The following DHRSX variants were observed in gnomAD, a reference collection of about 807,000 sequenced individuals.
The protein encoded by DHRSX is dehydrogenase/reductase X-linked.
In DHRSX, 31 loss-of-function variants were observed where a neutral mutation model predicts 34.0. That is an observed-to-expected ratio of 0.91 (90% confidence interval 0.69 to 1.23). The LOEUF is 1.23. Ranked by LOEUF, DHRSX falls within the 50% of genes most tolerant of loss-of-function variation. The probability of loss-of-function intolerance (pLI) is 0.00; values close to 1 mark genes in which losing one functional copy is unlikely to be tolerated. For missense variants in DHRSX, 414 were observed against 428.1 expected, an observed-to-expected ratio of 0.97 and a Z score of 0.29; for synonymous variants, 201 against 183.8, an observed-to-expected ratio of 1.09 and a Z score of -0.76.
chrX:2,485,054 G>A (rs1292946331), intron 1 of DHRSX, among the ~76,000 whole-genome samples: 1 of 152,194 alleles, frequency 6.6e-6, no homozygotes, highest in Non-Finnish European at 1.5e-5. Context: ...TGCAAAGTGG[G>A]GGGGAAACAA....
At chrX:2,487,159 C>T (rs187281785) in intron 1 of DHRSX, 5 of 152,318 alleles carry the variant, frequency 3.3e-5, no homozygotes, top group African/African-American at 1.2e-4. Context: ...GAAAGCAACT[C>T]GCAGGAATCC....
At chrX:2,454,861 T>G (rs2044274077) in intron 1 of DHRSX, among the ~76,000 whole-genome samples, 1 of 151,576 alleles carries the variant, frequency 6.6e-6, no homozygotes, top group African/African-American at 2.4e-5. Flanking sequence ...GCCTGTAATC[T>G]CAGAAATTTG....
chrX:2,309,194 GGT>G (rs1678386511), intron 3 of DHRSX, among the ~76,000 whole-genome samples: 1 of 151,990 alleles, frequency 6.6e-6, no homozygotes, highest in Admixed American at 6.6e-5. Flanking sequence ...ATGAAGAAAG[GGT>G]AGATGAGTGC....
intron 1 of DHRSX, among the ~76,000 whole-genome samples, chrX:2,471,579 A>C (rs2044593821): frequency 6.7e-6 from 1 of 149,448 alleles, no homozygotes; most frequent in South Asian, 2.1e-4. Flanking sequence ...AAAAAAAAAG[A>C]CATTTACGTT....
rs377406686 is a variant in DHRSX at position 2,277,231 on chromosome X, A to G, written c.389-10284T>C. On this transcript the variant is annotated intron_variant, in intron 4 of 6. Transcript: ENST00000334651. Reference sequence around the variant, plus strand: ...CAAACGAGAGAGGGAGAGAGAAGGAAGAGGAGGAAATGGGGGAAAGAGAGA... The same window carrying G: ...CAAACGAGAGAGGGAGAGAGAAGGAGGAGGAGGAAATGGGGGAAAGAGAGA... Among the ~76,000 whole-genome samples the G allele has an allele frequency of 2.6e-3, 13 of 4,942 alleles. 1 individual carries two copies. The highest frequency in any genetic ancestry group is 0.022 in the African/African-American group (9 of 414). 3.2% of individuals were successfully genotyped at this position (4,942 alleles called of 152,430 possible). A position where few individuals can be genotyped will look rare whatever the true frequency, so the allele number is the denominator to read the frequency against.
rs780186310 is a variant in DHRSX at position 2,318,453 on chromosome X, A to G, written c.287-26850T>C. Among the ~76,000 whole-genome samples, 591 of 152,290 alleles carry G rather than the reference A, an allele frequency of 3.9e-3. 5 individuals are homozygous for G. Among genetic ancestry groups the G allele is most frequent in the African/African-American group, 0.014 (562 of 41,572 alleles). On this transcript the variant is annotated intron_variant, in intron 3 of 6. Coordinates refer to ENST00000334651, the MANE Select transcript of DHRSX (RefSeq NM_145177.3). The stretch of plus-strand genomic sequence containing the variant: ...CAGGTCCTAAGGACCTTGTTGATAA[A>G]ACAGGTTGTGGTAAAGAAGCTGGCC...
At chrX:2,472,830 T>C (rs2044614044) in intron 1 of DHRSX, among the ~76,000 whole-genome samples, 1 of 152,194 alleles carries the variant, frequency 6.6e-6, no homozygotes, top group Non-Finnish European at 1.5e-5. Context: ...TACTGAATTT[T>C]TTTTAAGTCC....
intron 3 of DHRSX, among the ~76,000 whole-genome samples, chrX:2,336,990 G>C (rs2042576642): frequency 2.0e-5 from 3 of 152,090 alleles, no homozygotes; most frequent in Admixed American, 6.6e-5. Flanking sequence ...GCTTGCATTA[G>C]AAATGGGGTT....
rs756600354 is a variant in DHRSX, at chrX:2,312,402, G to T, written c.287-20799C>A. On this transcript the variant is annotated intron_variant, in intron 3 of 6. Coordinates refer to ENST00000334651, the MANE Select transcript of DHRSX (RefSeq NM_145177.3). ...TGGAATACTATGCAGCCATAAAAAA[G>T]GATGAGTTCATGTCCTTTGCAGGGA... Among the ~76,000 whole-genome samples the T allele has an allele frequency of 1.4e-4, 22 of 152,156 alleles. No homozygotes were observed. The South Asian group carries it at 4.6e-3, about 32-fold the overall frequency.
chrX:2,483,137 C>T (rs921731369), intron 1 of DHRSX, among the ~76,000 whole-genome samples: 50 of 152,260 alleles, frequency 3.3e-4, no homozygotes, highest in African/African-American at 1.2e-3. Flanking sequence ...CCAGGCTGCA[C>T]GACAGTGATG....
intron 1 of DHRSX, among the ~76,000 whole-genome samples, chrX:2,485,923 AGAAG>A (rs1426283924): frequency 1.4e-5 from 2 of 145,112 alleles, no homozygotes; most frequent in Non-Finnish European, 3.0e-5. Flanking sequence ...AAGGAAGGAA[AGAAG>A]GAAGAAAGGA....
At chrX:2,307,866 G>A (rs1419972168) in intron 3 of DHRSX, among the ~76,000 whole-genome samples, 1 of 151,916 alleles carries the variant, frequency 6.6e-6, no homozygotes, top group South Asian at 2.1e-4. Flanking sequence ...ACACCAGGGT[G>A]ATCTGCGCAT....
At chrX:2,369,742 A>G (rs2043035268) in intron 3 of DHRSX, among the ~76,000 whole-genome samples, 1 of 151,994 alleles carries the variant, frequency 6.6e-6, no homozygotes, top group Admixed American at 6.6e-5. Context: ...GACCTCAAGT[A>G]ATCCACCCAC....
At chrX:2,346,401 C>T (rs1041069033) in intron 3 of DHRSX, among the ~76,000 whole-genome samples, 18 of 152,120 alleles carry the variant, frequency 1.2e-4, no homozygotes, top group Admixed American at 5.2e-4. Context: ...TCCAGGCTGG[C>T]ACCATTTCTC....
intron 2 of DHRSX, among the ~76,000 whole-genome samples, chrX:2,424,379 T>C (rs2043816972): frequency 1.3e-5 from 2 of 152,062 alleles, no homozygotes; most frequent in South Asian, 4.1e-4. Flanking sequence ...GGGACGACCC[T>C]GTGAGGACAC....
intron 5 of DHRSX, among the ~76,000 whole-genome samples, chrX:2,248,922 C>A (rs1186210066): frequency 1.3e-5 from 2 of 152,306 alleles, no homozygotes; most frequent in East Asian, 3.9e-4. Flanking sequence ...ATCTTTGGGT[C>A]TTCCCTCTGA....
chrX:2,292,528 C>T lies in DHRSX; in HGVS notation c.287-925G>A, dbSNP rs139631725. Among the ~76,000 whole-genome samples the T allele has an allele frequency of 1.7e-3, 251 of 152,076 alleles. 1 individual carries two copies. Among genetic ancestry groups the T allele is most frequent in the African/African-American group, 5.8e-3 (239 of 41,492 alleles). On this transcript the variant is annotated intron_variant, in intron 3 of 6. Coordinates refer to ENST00000334651, the MANE Select transcript of DHRSX (RefSeq NM_145177.3). The stretch of plus-strand genomic sequence containing the variant: ...TGTTACACAGCATATGTAACTGATA[C>T]ACAAAATGACTCAGAAGCAAGGACT...
intron 3 of DHRSX, among the ~76,000 whole-genome samples, chrX:2,373,406 A>T (rs1319467188): frequency 6.6e-6 from 1 of 152,200 alleles, no homozygotes; most frequent in Non-Finnish European, 1.5e-5. Flanking sequence ...TTCTGAGGCG[A>T]GGCTGGAATT....
chrX:2,308,986 C>T (rs2042133166), intron 3 of DHRSX, among the ~76,000 whole-genome samples: 1 of 151,948 alleles, frequency 6.6e-6, no homozygotes, highest in African/African-American at 2.4e-5. Flanking sequence ...AAACACTGTA[C>T]TGTATGAAAA....
Sources: allele counts gnomAD v4.1 joint callset (sites outside exome capture counted in the v4.1 genomes callset), GRCh38; gene constraint gnomAD v4.1.1; transcripts MANE v1.5; gene names NCBI Gene and HGNC (gene_info 2026-07-23, HGNC 2026-07-21).